Variants in SCNN1A observed in about 807,000 individuals in gnomAD.
The protein encoded by SCNN1A is epithelial sodium channel subunit alpha.
A neutral mutation model predicts 68.6 loss-of-function variants in SCNN1A; 65 were observed. The observed-to-expected ratio is 0.95, with a 90% CI of 0.78 to 1.16. SCNN1A has a LOEUF of 1.16. SCNN1A is among the 50% of genes most tolerant of loss of function. The pLI is 0.00. For synonymous variants in SCNN1A, 357 were observed against 353.3 expected, an observed-to-expected ratio of 1.01 and a Z score of -0.12; for missense variants, 880 against 865.9, an observed-to-expected ratio of 1.02 and a Z score of -0.20.
At chr12:6,375,695 G>A, upstream of SCNN1A, 1 of 1,440,676 alleles carries the variant, frequency 6.9e-7, no homozygotes, top group East Asian at 2.6e-5. Context: ...TACTGGACCT[G>A]AGAAGGCGGA....
intron 1 of SCNN1A, chr12:6,375,244 T>C (rs1948883391): frequency 6.9e-7 from 1 of 1,439,052 alleles, no homozygotes; most frequent in Non-Finnish European, 9.1e-7. Flanking sequence ...TCTCTCCTGC[T>C]CTCCTCTTTC....
At chr12:6,363,935 G>T in intron 2 of SCNN1A, 1 of 443,300 alleles carries the variant, frequency 2.3e-6, no homozygotes, top group Non-Finnish European at 4.0e-6. Flanking sequence ...GGGACACTGT[G>T]GACTGTTTAT....
chr12:6,353,889 T>A (rs1412620098), intron 8 of SCNN1A: 1 of 152,214 alleles, frequency 6.6e-6, no homozygotes, highest in Non-Finnish European at 1.5e-5. Context: ...GCGCCCGGCC[T>A]GCAGGTTGTT....
At chr12:6,353,826 T>A (rs1592065321) in intron 8 of SCNN1A, 2 of 145,910 alleles carry the variant, frequency 1.4e-5, no homozygotes, top group Admixed American at 1.4e-4. Context: ...CCTGACCTCG[T>A]GATCCGCCCG....
upstream of SCNN1A, chr12:6,375,813 G>A (rs1420425930): frequency 5.8e-6 from 8 of 1,369,170 alleles, no homozygotes; most frequent in South Asian, 1.7e-5. Context: ...CCACAGCTAG[G>A]AGGGCAACAC....
Position 6,348,981 on chromosome 12 carries a change from G to T in SCNN1A, c.1522C>A (p.Arg508=), listed in dbSNP as rs137852634. The change falls in exon 11 of 13, where the codon CGA becomes AGA. Residue 508 remains arginine, a synonymous_variant. Coordinates refer to ENST00000228916, the MANE Select transcript of SCNN1A (RefSeq NM_001038.6). ...SQEWVFQMLS[R]QNNYTVNNKR... The stretch of plus-strand genomic sequence containing the variant: ...TTGTTGACGGTGTAATTGTTCTGTC[G>T]CGATAGCATCTGGAAGACCCATTCC... The T allele has an allele frequency of 1.9e-6, 3 of 1,613,856 alleles. No individual in the cohort carries two copies. The African/African-American group carries it at 4.0e-5, about 22-fold the overall frequency.
At chr12:6,358,905 G>A (rs866458165) in intron 4 of SCNN1A, among the ~76,000 whole-genome samples, 52 of 146,722 alleles carry the variant, frequency 3.5e-4, no homozygotes, top group Middle Eastern at 3.5e-3. Context: ...CAATATCATA[G>A]TATTCAGCCA....
chr12:6,365,550 A>G (rs1948661892), intron 2 of SCNN1A, among the ~76,000 whole-genome samples: 1 of 152,380 alleles, frequency 6.6e-6, no homozygotes, highest in South Asian at 2.1e-4. Context: ...AAACTCATGC[A>G]TAGATGGTCA....
chr12:6,373,673 A>G (rs554024892), intron 2 of SCNN1A, among the ~76,000 whole-genome samples: 4 of 152,310 alleles, frequency 2.6e-5, no homozygotes, highest in Non-Finnish European at 5.9e-5. Context: ...AAAGTTCAGG[A>G]CACACCCAAG....
chr12:6,363,562 G>A lies in SCNN1A; in HGVS notation c.565C>T (p.Gln189Ter), dbSNP rs1182591861. ...DLRGTLPHPL[Q>*]RLRVPPPPHG... Reference sequence around the variant, plus strand: ...GGCGGGGGCGGGACCCTCAGGCGCTGCAAGGGGTGCGGCAGAGTCCCCCGC... The same window carrying A: ...GGCGGGGGCGGGACCCTCAGGCGCTACAAGGGGTGCGGCAGAGTCCCCCGC... The change falls in exon 3 of 13, where the codon CAG becomes TAG. Residue 189 changes from glutamine to a stop codon, truncating the protein, a stop_gained. Coordinates refer to ENST00000228916, the MANE Select transcript of SCNN1A (RefSeq NM_001038.6). LOFTEE classifies it high-confidence loss of function. 1 of 1,610,994 alleles carries A rather than the reference G, an allele frequency of 6.2e-7. No individual in the cohort carries two copies. Among genetic ancestry groups the A allele is most frequent in the African/African-American group, 1.3e-5 (1 of 74,866 alleles).
rs7958135 is a variant in SCNN1A, at chr12:6,372,800, T to C, written c.416+1568A>G. On this transcript the variant is annotated intron_variant, in intron 2 of 12. Transcript: ENST00000228916. This position sits in a 1 kb window ranked among gnomAD's most constrained non-coding sequence, Gnocchi z 5.8. ...TAAGAGGAAGGACCCAAGAGAGCTC[T>C]GAAATGAGGCGGAAGCCACATCTGA... 0.59 allele frequency among the ~76,000 whole-genome samples: 89,416 copies of C among 151,640 alleles called. 26,477 individuals are homozygous for C. The highest frequency in any genetic ancestry group is 0.73 in the Middle Eastern group (213 of 292).
intron 8 of SCNN1A, 175 bp downstream of exon 8, chr12:6,354,263 G>A (rs1016199139): frequency 3.0e-6 from 2 of 658,056 alleles, no homozygotes; most frequent in African/African-American, 3.6e-5. Context: ...AGAGACTGAG[G>A]GAGAGGGAAA....
intron 2 of SCNN1A, among the ~76,000 whole-genome samples, chr12:6,366,467 C>T (rs986719464): frequency 2.6e-5 from 4 of 152,156 alleles, no homozygotes; most frequent in Non-Finnish European, 4.4e-5. Context: ...GTTTAATTTA[C>T]GGTGTTTAGG....
intron 2 of SCNN1A, among the ~76,000 whole-genome samples, chr12:6,367,644 G>C: frequency 6.6e-6 from 1 of 152,220 alleles, no homozygotes; most frequent in East Asian, 1.9e-4. Context: ...TGGAAAGGGG[G>C]CACCGGGTAA....
chr12:6,358,538 C>A, intron 4 of SCNN1A, among the ~76,000 whole-genome samples: 1 of 152,038 alleles, frequency 6.6e-6, no homozygotes, highest in East Asian at 1.9e-4. Flanking sequence ...AGAAACAATC[C>A]AAATGTCCAT....
At chr12:6,352,845 G>A (rs1948410820) in intron 8 of SCNN1A, among the ~76,000 whole-genome samples, 2 of 152,248 alleles carry the variant, frequency 1.3e-5, no homozygotes, top group South Asian at 4.1e-4. Context: ...AACAAGGTAG[G>A]GATGGACGCT....
intron 1 of SCNN1A, 51 bp downstream of exon 1, chr12:6,375,454 A>T: frequency 4.6e-6 from 7 of 1,535,232 alleles, no homozygotes; most frequent in Admixed American, 2.0e-5. Context: ...CTGGACTGGG[A>T]CTGGTTCCTT....
intron 8 of SCNN1A, among the ~76,000 whole-genome samples, chr12:6,352,741 G>A (rs1218246887): frequency 6.6e-6 from 1 of 152,240 alleles, no homozygotes; most frequent in Non-Finnish European, 1.5e-5. Flanking sequence ...CAGAGAGACA[G>A]GAACCAGGAG....
intron 8 of SCNN1A, chr12:6,353,579 A>T: frequency 6.7e-6 from 1 of 150,262 alleles, no homozygotes; most frequent in Non-Finnish European, 1.5e-5. Context: ...TTTTATTTTT[A>T]TTTATTTATT....
Sources: gnomAD v4.1 joint callset for allele counts (sites outside exome capture counted in the v4.1 genomes callset) on GRCh38, gnomAD v4.1.1 for gene constraint, Gnocchi (gnomAD v3.1) non-coding constraint, MANE v1.5 for transcripts, NCBI Gene and HGNC (gene_info 2026-07-23, HGNC 2026-07-21) for gene names.